CCDC124: variants seen among roughly 807,000 people sequenced by gnomAD.
CCDC124 encodes the protein coiled-coil domain-containing protein 124.
A neutral mutation model predicts 19.8 loss-of-function variants in CCDC124; 9 were observed. The ratio of observed to expected loss-of-function variants is 0.45; its 90% CI spans 0.27 to 0.79. CCDC124 has a LOEUF of 0.79. Ranked by LOEUF, CCDC124 falls within the 30% of genes least tolerant of loss-of-function variation. CCDC124 has a pLI of 0.14. For synonymous variants in CCDC124, 126 were observed against 131.3 expected (o/e 0.96, Z 0.27); for missense variants, 285 against 319.0 (o/e 0.89, Z 0.81).
At chr19:17,935,373 G>C (rs556631406) in intron 1 of CCDC124, among the ~76,000 whole-genome samples, 6 of 152,134 alleles carry the variant, frequency 3.9e-5, no homozygotes, top group Non-Finnish European at 8.8e-5. Flanking sequence ...GAACTAGACA[G>C]AGGTGGTATT....
chr19:17,937,734 A>G (rs564426781), intron 2 of CCDC124, among the ~76,000 whole-genome samples: 1 of 151,730 alleles, frequency 6.6e-6, no homozygotes, highest in East Asian at 1.9e-4. Flanking sequence ...TGTTTATTTT[A>G]TTTTTGTTGT....
At chr19:17,941,194 A>G (rs1217758386) in intron 2 of CCDC124, among the ~76,000 whole-genome samples, 1 of 151,998 alleles carries the variant, frequency 6.6e-6, no homozygotes, top group Non-Finnish European at 1.5e-5. Context: ...GTCCCCCACC[A>G]GTGATACCTC....
intron 2 of CCDC124, among the ~76,000 whole-genome samples, chr19:17,937,635 C>T (rs2031093860): frequency 6.6e-6 from 1 of 152,050 alleles, no homozygotes; most frequent in Admixed American, 6.6e-5. Flanking sequence ...ATGAGCCAGC[C>T]CCAGATGTCA....
intron 2 of CCDC124, chr19:17,936,799 G>C (rs1354395487): frequency 6.0e-6 from 3 of 496,018 alleles, no homozygotes; most frequent in Non-Finnish European, 1.1e-5. Context: ...TGGCCAACAT[G>C]ATGAAACCCT....
chr19:17,935,577 C>T (rs2031042871), intron 1 of CCDC124, among the ~76,000 whole-genome samples: 1 of 151,572 alleles, frequency 6.6e-6, no homozygotes, highest in South Asian at 2.1e-4. Flanking sequence ...TGTGCCACCA[C>T]ACCCAGCTTT....
At chr19:17,935,414 G>A (rs1304064873) in intron 1 of CCDC124, among the ~76,000 whole-genome samples, 2 of 151,736 alleles carry the variant, frequency 1.3e-5, no homozygotes, top group Non-Finnish European at 2.9e-5. Context: ...CTTAAACACT[G>A]AATTGTACAC....
At position 17,943,906 on chromosome 19, in the gene CCDC124, C is replaced by A; in HGVS notation, c.*191C>A. 2 of 610,862 alleles carry A rather than the reference C, an allele frequency of 3.3e-6. No individual in the cohort carries two copies. Among genetic ancestry groups the A allele is most frequent in the Non-Finnish European group, 5.8e-6 (2 of 346,134 alleles). The allele number at this position is 610,862 out of a possible 1,614,324, so 37.8% of individuals were successfully genotyped here. A position where few individuals can be genotyped will look rare whatever the true frequency, so the allele number is the denominator to read the frequency against. ...CCCTGCCCCGAGTGACACCCCATCC[C>A]CTCCCATCCCCCGGCGCGTGTGTGT... On this transcript the variant is annotated 3_prime_UTR_variant, in exon 5 of 5. Transcript: ENST00000445755.
chr19:17,938,514 C>A (rs1198243386), intron 2 of CCDC124, among the ~76,000 whole-genome samples: 1 of 152,188 alleles, frequency 6.6e-6, no homozygotes, highest in East Asian at 1.9e-4. Flanking sequence ...AGGCAACCCC[C>A]CAGCTTAGGG....
intron 2 of CCDC124, among the ~76,000 whole-genome samples, chr19:17,938,749 G>A (rs111384523): frequency 0.032 from 4,853 of 151,948 alleles, 149 homozygotes; most frequent in Middle Eastern, 0.088. Flanking sequence ...GCACCACCAC[G>A]CCCAGCTATT....
In CCDC124 at chr19:17,943,380, C is replaced by T. The variant is rs542569449; in HGVS notation, c.464+5C>T. The T allele has an allele frequency of 4.3e-6, 6 of 1,389,144 alleles. No homozygotes were observed. Among genetic ancestry groups the T allele is most frequent in the East Asian group, 6.9e-5 (2 of 28,830 alleles). The allele number at this position is 1,389,144 out of a possible 1,614,324, so 86.1% of individuals were successfully genotyped here. A position where few individuals can be genotyped will look rare whatever the true frequency, so the allele number is the denominator to read the frequency against. On this transcript the variant is annotated splice_donor_5th_base_variant and intron_variant, in intron 4 of 4. Transcript: ENST00000445755. ...GGACGCCATTGCAGTGCTCAGGTAA[C>T]GGGGCGGGGCCTGGGGCTTTCCCAG...
chr19:17,943,094 G>C (rs2031222640), intron 3 of CCDC124, among the ~76,000 whole-genome samples, 167 bp from the exon 4 acceptor site: 1 of 152,144 alleles, frequency 6.6e-6, no homozygotes, highest in African/African-American at 2.4e-5. Context: ...GGGAGGGTGG[G>C]ACCTGTCCCA....
At chr19:17,941,947 G>T (rs1440217844) in intron 2 of CCDC124, among the ~76,000 whole-genome samples, 1 of 152,126 alleles carries the variant, frequency 6.6e-6, no homozygotes, top group Non-Finnish European at 1.5e-5. Context: ...GCAGAGTACT[G>T]CCCTGAGCTT....
chr19:17,936,592 C>G lies in CCDC124; in HGVS notation c.159+13C>G, dbSNP rs373423485. On this transcript the variant is annotated intron_variant, in intron 2 of 4. Coordinates refer to ENST00000445755, the MANE Select transcript of CCDC124 (RefSeq NM_001136203.2). ...GGAGCAGCGCAAGGTGCGTGCACTC[C>G]GAGTCCCCGCGGCCCGCATGCCTTG... 1.9e-6 allele frequency: 3 copies of G among 1,606,270 alleles called. No homozygotes were observed. The highest frequency in any genetic ancestry group is 1.7e-6 in the Non-Finnish European group (2 of 1,175,774).
At chr19:17,937,796 C>T (rs529095870) in intron 2 of CCDC124, among the ~76,000 whole-genome samples, 4 of 152,048 alleles carry the variant, frequency 2.6e-5, no homozygotes, top group Non-Finnish European at 4.4e-5. Flanking sequence ...TGCAATGGCG[C>T]GATCTCAGTT....
rs1206201883 is a variant in CCDC124 at position 17,943,250 on chromosome 19, C to T, written c.350-11C>T. On this transcript the variant is annotated splice_polypyrimidine_tract_variant and intron_variant, in intron 3 of 4. Coordinates refer to ENST00000445755, the MANE Select transcript of CCDC124 (RefSeq NM_001136203.2). ...TCTCTCTCTGTCTCTGTCACCCACCCACCCGCCCAGCCGAGAAAGCCAAGA... is the reference window on the plus strand; with the variant it reads ...TCTCTCTCTGTCTCTGTCACCCACCTACCCGCCCAGCCGAGAAAGCCAAGA... The T allele has an allele frequency of 2.3e-6, 2 of 886,644 alleles. No homozygotes were observed. The highest frequency in any genetic ancestry group is 3.6e-6 in the Non-Finnish European group (2 of 561,054). 54.9% of individuals were successfully genotyped at this position (886,644 alleles called of 1,614,324 possible). A position where few individuals can be genotyped will look rare whatever the true frequency, so the allele number is the denominator to read the frequency against.
intron 1 of CCDC124, among the ~76,000 whole-genome samples, chr19:17,933,703 C>T (rs2030994127): frequency 6.6e-6 from 1 of 152,208 alleles, no homozygotes; most frequent in African/African-American, 2.4e-5. Flanking sequence ...GCTGCGCTCT[C>T]CCCCACTCAT....
chr19:17,935,194 G>A (rs985575072), intron 1 of CCDC124: 4 of 152,502 alleles, frequency 2.6e-5, no homozygotes, highest in African/African-American at 7.2e-5. Flanking sequence ...TTACAAACGT[G>A]AGTGATCGCA....
Position 17,943,241 on chromosome 19 carries a change from T to TCGGGGGCGCC in CCDC124, c.350-19_350-18insGGGGGCGCCC. The stretch of plus-strand genomic sequence containing the variant: ...CTTTGCTTATCTCTCTCTGTCTCTG[T>TCGGGGGCGCC]CACCCACCCACCCGCCCAGCCGAGA... On this transcript the variant is annotated intron_variant, in intron 3 of 4. Coordinates refer to ENST00000445755, the MANE Select transcript of CCDC124 (RefSeq NM_001136203.2). The TCGGGGGCGCC allele has an allele frequency of 1.4e-6, 1 of 736,678 alleles. No homozygotes were observed. The highest frequency in any genetic ancestry group is 2.4e-6 in the Non-Finnish European group (1 of 414,970). The allele number at this position is 736,678 out of a possible 1,614,324, so 45.6% of individuals were successfully genotyped here.
Position 17,942,134 on chromosome 19 carries a change from C to T in CCDC124, c.160-522C>T, listed in dbSNP as rs954546762. On this transcript the variant is annotated intron_variant, in intron 2 of 4. Transcript: ENST00000445755. This position sits in a 1 kb window ranked among gnomAD's most constrained non-coding sequence, Gnocchi z 4.2. The stretch of plus-strand genomic sequence containing the variant: ...GTGACCCACGGCAGGGAAACGTGGA[C>T]AGTGCTGCCCGACTCATAAGGGCAG... 1.3e-5 allele frequency among the ~76,000 whole-genome samples: 2 copies of T among 152,120 alleles called. No individual in the cohort carries two copies. Among genetic ancestry groups the T allele is most frequent in the African/African-American group, 4.8e-5 (2 of 41,410 alleles).
Sources: allele counts gnomAD v4.1 joint callset (sites outside exome capture counted in the v4.1 genomes callset), GRCh38; gene constraint gnomAD v4.1.1; non-coding constraint Gnocchi (gnomAD v3.1); transcripts MANE v1.5; gene names NCBI Gene and HGNC (gene_info 2026-07-23, HGNC 2026-07-21).